Variants in BACH2 observed in about 807,000 individuals in gnomAD.
The protein encoded by BACH2 is BACH transcriptional regulator 2, also known as transcription regulator protein BACH2.
Under a neutral mutation model 61.8 loss-of-function variants are expected in BACH2, and 5 were observed. That is an observed-to-expected ratio of 0.08 (90% CI 0.04 to 0.17). The LOEUF (loss-of-function observed/expected upper bound fraction) is 0.17. Among genes scored for constraint, BACH2 ranks in the 10% least tolerant of loss-of-function variants. The pLI, the probability that BACH2 is intolerant of heterozygous loss-of-function variation, is 1.00. For missense variants in BACH2, 824 were observed against 1,091.1 expected, an observed-to-expected ratio of 0.76 and a Z score of 3.45; for synonymous variants, 446 against 440.1, an observed-to-expected ratio of 1.01 and a Z score of -0.17.
chr6:90,000,216 G>T (rs1777061445), intron 6 of BACH2, among the ~76,000 whole-genome samples: 1 of 152,170 alleles, frequency 6.6e-6, no homozygotes, highest in South Asian at 2.1e-4. Context: ...CTGTGGCGCT[G>T]CCTTACCGCA....
At chr6:90,074,215 T>C (rs535174383) in intron 5 of BACH2, among the ~76,000 whole-genome samples, 2 of 152,336 alleles carry the variant, frequency 1.3e-5, no homozygotes, top group East Asian at 3.9e-4. Context: ...TTCACAATGT[T>C]TGTGGTGCAT....
rs142517589 is a variant in BACH2, at chr6:89,951,675, C to T, written c.431G>A (p.Arg144Gln). Reference sequence around the variant, plus strand: ...TGGGCGCTGGCACGCAGCATCCTTCCGGCACACAAACAGGCCATCCTCACT... The same window carrying T: ...TGGGCGCTGGCACGCAGCATCCTTCTGGCACACAAACAGGCCATCCTCACT... ...LNSEDGLFVC[R>Q]KDAACQRPHE... Residue 144 changes from arginine to glutamine, a missense_variant, in exon 7 of 9, where the codon CGG becomes CAG. Physicochemically the swap from Arg to Gln is conservative, Grantham distance 43. Coordinates refer to ENST00000257749, the MANE Select transcript of BACH2 (RefSeq NM_021813.4). The surrounding 1 kb of genome is among the most constrained non-coding windows in gnomAD (Gnocchi z 6.4). 1.1e-4 allele frequency: 180 copies of T among 1,614,114 alleles called. No homozygotes were observed. The highest frequency in any genetic ancestry group is 1.4e-4 in the Non-Finnish European group (162 of 1,180,050).
At chr6:90,214,364 A>G (rs906849046) in intron 3 of BACH2, among the ~76,000 whole-genome samples, 3 of 144,956 alleles carry the variant, frequency 2.1e-5, no homozygotes, top group Non-Finnish European at 3.0e-5. Context: ...GGGCGGGGGG[A>G]GGGGGTTGCT....
intron 4 of BACH2, among the ~76,000 whole-genome samples, chr6:90,102,359 C>T (rs960148325): frequency 1.3e-5 from 2 of 151,994 alleles, no homozygotes; most frequent in African/African-American, 4.8e-5. Flanking sequence ...CCAGCCTATC[C>T]CTAAAGTCTG....
intron 7 of BACH2, among the ~76,000 whole-genome samples, chr6:89,943,324 C>G (rs183683988): frequency 2.8e-4 from 42 of 152,288 alleles, no homozygotes; most frequent in African/African-American, 1.0e-3. Context: ...TGCTTTATTT[C>G]TCTTCCCTGC....
At chr6:90,182,307 C>A (rs1304469031) in intron 4 of BACH2, among the ~76,000 whole-genome samples, 3 of 152,166 alleles carry the variant, frequency 2.0e-5, no homozygotes, top group African/African-American at 7.2e-5. Context: ...TTCCTTCAGG[C>A]CCATCACATA....
chr6:90,236,176 A>T (rs1770254417), intron 3 of BACH2, among the ~76,000 whole-genome samples: 1 of 152,252 alleles, frequency 6.6e-6, no homozygotes, highest in Non-Finnish European at 1.5e-5. Context: ...TTATTCAATC[A>T]TATAAGAAAC....
At chr6:89,974,171 G>T (rs1775522279) in intron 6 of BACH2, among the ~76,000 whole-genome samples, 1 of 152,146 alleles carries the variant, frequency 6.6e-6, no homozygotes, top group Non-Finnish European at 1.5e-5. Flanking sequence ...TTGAAGCAAG[G>T]AGTTGAGAAC....
rs148318740 is a variant in BACH2, at chr6:90,292,103, C to T, written c.-446+4377G>A. On this transcript the variant is annotated intron_variant, in intron 1 of 8. Coordinates refer to ENST00000257749, the MANE Select transcript of BACH2 (RefSeq NM_021813.4). Reference sequence around the variant, plus strand: ...TTCTCTGTATGTCACAGTCCTACACCATGCCCAGTCATTGATTCAGGACTG... The same window carrying T: ...TTCTCTGTATGTCACAGTCCTACACTATGCCCAGTCATTGATTCAGGACTG... Among the ~76,000 whole-genome samples the T allele has an allele frequency of 4.0e-3, 611 of 152,316 alleles. 4 individuals carry two copies. Among genetic ancestry groups the T allele is most frequent in the African/African-American group, 0.013 (556 of 41,570 alleles).
rs534892359 is a variant in BACH2 at position 90,126,910 on chromosome 6, C to A, written c.-161-37801G>T. ...ATAAAACTGCAAAATGGGAGTGCCACAAATTTCTGCTCCTCCTACTCCAGC... is the reference window on the plus strand; with the variant it reads ...ATAAAACTGCAAAATGGGAGTGCCAAAAATTTCTGCTCCTCCTACTCCAGC... On this transcript the variant is annotated intron_variant, in intron 4 of 8. Transcript: ENST00000257749. Among the ~76,000 whole-genome samples the A allele has an allele frequency of 2.0e-5, 3 of 152,336 alleles. No homozygotes were observed. In the East Asian group the frequency reaches 5.8e-4, roughly 29 times the overall value.
chr6:90,265,632 T>G (rs940423083), intron 2 of BACH2, among the ~76,000 whole-genome samples: 2 of 152,292 alleles, frequency 1.3e-5, no homozygotes, highest in South Asian at 4.1e-4. Flanking sequence ...TAAAACACTT[T>G]AGACGGCTTG....
At chr6:89,949,190 G>T (rs1243750867) in intron 7 of BACH2, among the ~76,000 whole-genome samples, 3 of 152,220 alleles carry the variant, frequency 2.0e-5, no homozygotes, top group Non-Finnish European at 4.4e-5. Flanking sequence ...AGAGAGCACA[G>T]ATGGGTACCA....
intron 4 of BACH2, among the ~76,000 whole-genome samples, chr6:90,092,152 A>C (rs1782184635): frequency 6.6e-6 from 1 of 152,064 alleles, no homozygotes; most frequent in Non-Finnish European, 1.5e-5. Flanking sequence ...TGGATACTCA[A>C]ACTGTACAAC....
intron 6 of BACH2, among the ~76,000 whole-genome samples, chr6:90,004,527 T>C (rs1162932131): frequency 6.6e-6 from 1 of 152,176 alleles, no homozygotes; most frequent in African/African-American, 2.4e-5. Context: ...ACTTTTCCCC[T>C]AGCATTCTGT....
chr6:90,296,765 C>T lies in BACH2; in HGVS notation c.-731G>A. 6.0e-6 allele frequency: 1 copy of T among 167,694 alleles called. No individual in the cohort carries two copies. The highest frequency in any genetic ancestry group is 1.6e-4 in the South Asian group (1 of 6,250). The allele number at this position is 167,694 out of a possible 1,614,324, so 10.4% of individuals were successfully genotyped here. A position where few individuals can be genotyped will look rare whatever the true frequency, so the allele number is the denominator to read the frequency against. ...CGCTCACGTTAGCGCTGTGCGACCGCAGCCCGGGCGTGCACGGCCGCTGCT... is the reference window on the plus strand; with the variant it reads ...CGCTCACGTTAGCGCTGTGCGACCGTAGCCCGGGCGTGCACGGCCGCTGCT... On this transcript the variant is annotated 5_prime_UTR_variant, in exon 1 of 9. Transcript: ENST00000257749.
chr6:89,995,084 G>C (rs1776774305), intron 6 of BACH2, among the ~76,000 whole-genome samples: 1 of 152,100 alleles, frequency 6.6e-6, no homozygotes, highest in South Asian at 2.1e-4. Flanking sequence ...TAACTGGTTT[G>C]TGTAAACCAG....
intron 5 of BACH2, among the ~76,000 whole-genome samples, chr6:90,033,702 A>T (rs969146728): frequency 6.7e-6 from 1 of 149,686 alleles, no homozygotes; most frequent in Non-Finnish European, 1.5e-5. Context: ...CTCACCTGTT[A>T]AAAAAAAACG....
intron 6 of BACH2, among the ~76,000 whole-genome samples, chr6:90,006,640 C>T (rs537603819): frequency 3.4e-4 from 51 of 152,208 alleles, no homozygotes; most frequent in African/African-American, 9.6e-4. Context: ...TTTTGAGACA[C>T]GTTCTCACTC....
intron 2 of BACH2, among the ~76,000 whole-genome samples, chr6:90,262,484 A>G (rs1771193667): frequency 6.6e-6 from 1 of 152,188 alleles, no homozygotes; most frequent in South Asian, 2.1e-4. Flanking sequence ...CCAGGACAGC[A>G]ATCCTGCCCT....
Sources: gnomAD v4.1 joint callset for allele counts (sites outside exome capture counted in the v4.1 genomes callset) on GRCh38, gnomAD v4.1.1 for gene constraint, Gnocchi (gnomAD v3.1) non-coding constraint, MANE v1.5 for transcripts, NCBI Gene and HGNC (gene_info 2026-07-23, HGNC 2026-07-21) for gene names.